The following BMX variants were observed in gnomAD, a reference collection of about 807,000 sequenced individuals.
BMX encodes BMX non-receptor tyrosine kinase.
In BMX, 31 loss-of-function variants were observed where a neutral mutation model predicts 59.2. The observed-to-expected ratio is 0.52, with a 90% CI of 0.39 to 0.71. The LOEUF is 0.71. Among genes scored for constraint, BMX ranks in the 30% least tolerant of loss-of-function variants. The probability of loss-of-function intolerance (pLI) is 0.00; values close to 1 mark genes in which losing one functional copy is unlikely to be tolerated. For synonymous variants in BMX, 185 were observed against 181.0 expected, an observed-to-expected ratio of 1.02 and a Z score of -0.18; for missense variants, 474 against 491.7, an observed-to-expected ratio of 0.96 and a Z score of 0.34.
intron 4 of BMX, among the ~76,000 whole-genome samples, chrX:15,515,294 T>G (rs1188082711): frequency 9.1e-6 from 1 of 110,154 alleles, no homozygotes; most frequent in Non-Finnish European, 1.9e-5. Flanking sequence ...ATTCTGCACA[T>G]GTATCCCAGA....
chrX:15,525,253 T>A, intron 7 of BMX, 35 bp from the exon 8 acceptor site: 2 of 1,154,657 alleles, frequency 1.7e-6, no homozygotes, highest in Non-Finnish European at 2.3e-6. Flanking sequence ...AGTAGACATA[T>A]GTTTATAAAC....
chrX:15,548,373 C>T (rs1926043787), intron 17 of BMX, among the ~76,000 whole-genome samples: 1 of 111,130 alleles, frequency 9.0e-6, no homozygotes, highest in Non-Finnish European at 1.9e-5. Flanking sequence ...ACGAGAATCG[C>T]TTAAACCTGG....
At chrX:15,544,538 C>T (rs907921703) in intron 16 of BMX, among the ~76,000 whole-genome samples, 1 of 111,710 alleles carries the variant, frequency 9.0e-6, no homozygotes, top group African/African-American at 3.3e-5. Context: ...AACATGCTTT[C>T]ACGTTCTCTG....
chrX:15,545,475 C>T (rs1160351047), intron 16 of BMX, among the ~76,000 whole-genome samples: 1 of 112,479 alleles, frequency 8.9e-6, no homozygotes, highest in Non-Finnish European at 1.9e-5. Context: ...AGGGGCCGCA[C>T]GCACAGTGTG....
At chrX:15,545,529 T>C (rs1461836128) in intron 16 of BMX, among the ~76,000 whole-genome samples, 2 of 112,187 alleles carry the variant, frequency 1.8e-5, no homozygotes, top group Non-Finnish European at 3.8e-5. Context: ...ATTTTTCTTT[T>C]ACCAGTCGAG....
At chrX:15,515,982 C>G in intron 4 of BMX, 130 bp from the exon 5 acceptor site, 1 of 882,247 alleles carries the variant, frequency 1.1e-6, no homozygotes, top group Non-Finnish European at 1.6e-6. Flanking sequence ...CCTTCCGGAA[C>G]CATTTGCTCT....
In BMX at chrX:15,542,189, C is replaced by T. The variant is rs145482201; in HGVS notation, c.1602C>T (p.His534=). The T allele has an allele frequency of 1.7e-4, 204 of 1,208,060 alleles. No individual in the cohort carries two copies. In the African/African-American group the frequency reaches 2.7e-3, roughly 16 times the overall value. ...MAFLESHQFI[H]RDLAARNCLV... ...TCTTGGAGAGTCACCAATTCATACA[C>T]CGGGACTTGGTAAGCAAAGCCATTG... The change falls in exon 15 of 19, where the codon CAC becomes CAT. Residue 534 remains histidine, a synonymous_variant. Transcript: ENST00000348343.
At chrX:15,505,228 T>C (rs774152546) in intron 1 of BMX, among the ~76,000 whole-genome samples, 2 of 111,844 alleles carry the variant, frequency 1.8e-5, no homozygotes, top group South Asian at 7.5e-4. Flanking sequence ...CAGAAGTAAA[T>C]AGAAGGAGAA....
At chrX:15,531,239 A>T in intron 10 of BMX, 89 bp from the exon 11 acceptor site, 1 of 764,823 alleles carries the variant, frequency 1.3e-6, no homozygotes, top group Non-Finnish European at 2.0e-6. Context: ...AATCTAAAAG[A>T]TTTGTTTTCC....
At chrX:15,526,210 T>A in intron 9 of BMX, 115 bp downstream of exon 9, 1 of 607,495 alleles carries the variant, frequency 1.6e-6, no homozygotes, top group Non-Finnish European at 2.5e-6. Flanking sequence ...TGTATTTACA[T>A]GGGTAAACTC....
intron 16 of BMX, among the ~76,000 whole-genome samples, chrX:15,543,890 A>G (rs773211588): frequency 8.0e-5 from 9 of 111,916 alleles, no homozygotes; most frequent in African/African-American, 2.9e-4. Context: ...GCAAATTTTC[A>G]TAGTTTTGCA....
chrX:15,548,851 T>C (rs1417612831), intron 17 of BMX, among the ~76,000 whole-genome samples: 2 of 112,460 alleles, frequency 1.8e-5, no homozygotes, highest in East Asian at 2.8e-4. Context: ...GGTTGCTTTA[T>C]TATAAATATT....
In BMX at chrX:15,542,058, T is replaced by C; in HGVS notation, c.1471T>C (p.Tyr491His). 1 of 1,211,009 alleles carries C rather than the reference T, an allele frequency of 8.3e-7. No individual in the cohort carries two copies. The highest frequency in any genetic ancestry group is 1.1e-6 in the Non-Finnish European group (1 of 895,082). Reference protein sequence around the residue: ...KEYPIYIVTEYISNGCLLNYL... With the variant: ...KEYPIYIVTEHISNGCLLNYL... ...ATACCCCATATACATAGTGACTGAA[T>C]ATATAAGCAATGGCTGCTTGCTGAA... Residue 491 changes from tyrosine to histidine, a missense_variant, in exon 15 of 19, where the codon TAT becomes CAT. Transcript: ENST00000348343.
chrX:15,549,223 C>T (rs770586510), intron 17 of BMX, among the ~76,000 whole-genome samples: 4 of 111,360 alleles, frequency 3.6e-5, no homozygotes, highest in Non-Finnish European at 5.7e-5. Flanking sequence ...TGAAACTGAA[C>T]ACAAAAATGC....
At chrX:15,518,628 C>T (rs538088850) in intron 6 of BMX, among the ~76,000 whole-genome samples, 1 of 111,559 alleles carries the variant, frequency 9.0e-6, no homozygotes. Flanking sequence ...CCAAGTTAAA[C>T]ATCTGTCACC....
chrX:15,540,902 G>C (rs769612882), intron 14 of BMX, among the ~76,000 whole-genome samples: 1 of 111,102 alleles, frequency 9.0e-6, no homozygotes, highest in Non-Finnish European at 1.9e-5. Context: ...ACTTTCAAAA[G>C]GCTTTATGCT....
At chrX:15,550,489 A>G (rs1469961359) in intron 18 of BMX, among the ~76,000 whole-genome samples, 1 of 110,901 alleles carries the variant, frequency 9.0e-6, no homozygotes, top group Non-Finnish European at 1.9e-5. Flanking sequence ...CCTGCCTCCC[A>G]AACACTGAAT....
intron 7 of BMX, 36 bp downstream of exon 7, chrX:15,522,623 T>A: frequency 8.3e-7 from 1 of 1,204,300 alleles, no homozygotes; most frequent in Non-Finnish European, 1.1e-6. Flanking sequence ...GCCCAGCATG[T>A]AGAGTAAACA....
chrX:15,508,277 G>A (rs1465125782), intron 1 of BMX, 68 bp from the exon 2 acceptor site: 3 of 756,845 alleles, frequency 4.0e-6, no homozygotes. Flanking sequence ...TTGAGGAAAA[G>A]ATATGAAGGT....
Sources: gnomAD v4.1 joint callset for allele counts (sites outside exome capture counted in the v4.1 genomes callset) on GRCh38, gnomAD v4.1.1 for gene constraint, MANE v1.5 for transcripts, NCBI Gene and HGNC (gene_info 2026-07-23, HGNC 2026-07-21) for gene names.